Variants in SYT2 observed in about 807,000 individuals in gnomAD.
SYT2 encodes the protein synaptotagmin 2, also known as synaptotagmin-2.
SYT2 carries 15 observed loss-of-function variants against 39.9 expected under a neutral mutation model. The observed-to-expected ratio is 0.38, with a 90% CI of 0.25 to 0.58. The LOEUF (loss-of-function observed/expected upper bound fraction) is 0.58, where lower values mean the gene tolerates loss of function less well. Ranked by LOEUF, SYT2 falls within the 20% of genes least tolerant of loss-of-function variation. The probability of loss-of-function intolerance (pLI) is 0.70; values close to 1 mark genes in which losing one functional copy is unlikely to be tolerated. For synonymous variants in SYT2, 181 were observed against 204.5 expected (o/e 0.89, Z 0.98); for missense variants, 389 against 530.3 (o/e 0.73, Z 2.62).
chr1:202,674,246 C>T (rs1653274813), intron 1 of SYT2, among the ~76,000 whole-genome samples: 1 of 152,030 alleles, frequency 6.6e-6, no homozygotes, highest in Non-Finnish European at 1.5e-5. Context: ...GGATTACAGG[C>T]GTGTACCACC....
chr1:202,600,224 C>T (rs745484110), intron 7 of SYT2, 133 bp downstream of exon 7: 49 of 755,862 alleles, frequency 6.5e-5, no homozygotes, highest in Non-Finnish European at 1.0e-4. Flanking sequence ...CTAAGGCTCC[C>T]CCGCTCCTCG....
At chr1:202,678,306 T>TAAAATAA (rs1048902414) in intron 1 of SYT2, among the ~76,000 whole-genome samples, 2 of 128,508 alleles carry the variant, frequency 1.6e-5, no homozygotes, top group Non-Finnish European at 3.4e-5. Flanking sequence ...AAAAAACTAA[T>TAAAATAA]AAAATAAAAT....
rs2149059033 is a variant in SYT2, at chr1:202,592,477, T to G, written c.*4280A>C. 6.6e-6 allele frequency: 1 copy of G among 152,394 alleles called. No homozygotes were observed. Among genetic ancestry groups the G allele is most frequent in the East Asian group, 1.9e-4 (1 of 5,190 alleles). 9.4% of individuals were successfully genotyped at this position (152,394 alleles called of 1,614,324 possible). ...CTCAACCAGTTCTGTAAAATGGGTTTGAGGTTGGGGATCAAGGGGACTCTC... is the reference window on the plus strand; with the variant it reads ...CTCAACCAGTTCTGTAAAATGGGTTGGAGGTTGGGGATCAAGGGGACTCTC... On this transcript the variant is annotated 3_prime_UTR_variant, in exon 9 of 9. Transcript: ENST00000367268.
rs762689164 is a variant in SYT2 at position 202,601,905 on chromosome 1, G to T, written c.786C>A (p.Gly262=). The change falls in exon 6 of 9, where the codon GGC becomes GGA. Residue 262 remains glycine, a synonymous_variant. Coordinates refer to ENST00000367268, the MANE Select transcript of SYT2 (RefSeq NM_177402.5). This position sits in a 1 kb window ranked among gnomAD's most constrained non-coding sequence, Gnocchi z 4.0. ...CTGCTCTTACCTCCTCCTTTTCCCC[G>T]CCTTGCAGGTCTCTCCACTCCTCAA... is the stretch of plus-strand genomic sequence containing the variant. ...QPIEEWRDLQ[G]GEKEEPEKLG... is the part of the protein sequence containing the mutation. 2 of 1,613,676 alleles carry T rather than the reference G, an allele frequency of 1.2e-6. No individual in the cohort carries two copies. The highest frequency in any genetic ancestry group is 1.3e-5 in the African/African-American group (1 of 74,852).
chr1:202,612,362 A>G (rs1422512386), intron 1 of SYT2, among the ~76,000 whole-genome samples: 2 of 152,032 alleles, frequency 1.3e-5, no homozygotes, highest in African/African-American at 4.8e-5. Flanking sequence ...ATCAGGCAGA[A>G]TGGGTCTTCC....
intron 1 of SYT2, among the ~76,000 whole-genome samples, chr1:202,613,373 G>C (rs1467939577): frequency 6.6e-6 from 1 of 152,098 alleles, no homozygotes; most frequent in Admixed American, 6.6e-5. Context: ...CAGCCACCGC[G>C]TTCAGCCTGA....
Position 202,599,235 on chromosome 1 carries a change from G to A in SYT2, c.1036C>T (p.Pro346Ser). The change falls in exon 8 of 9, where the codon CCC (proline) becomes TCC (serine). Residue 346 changes from proline (P) to serine (S), a missense_variant. Coordinates refer to ENST00000367268, the MANE Select transcript of SYT2 (RefSeq NM_177402.5). This position sits in a 1 kb window ranked among gnomAD's most constrained non-coding sequence, Gnocchi z 4.4. ...TCCAGCACCTGAATCTGCTCGAAGGGGATCTCAAAGCTGAAGGACTCGTTG... is the reference window on the plus strand; with the variant it reads ...TCCAGCACCTGAATCTGCTCGAAGGAGATCTCAAAGCTGAAGGACTCGTTG... ...YFNESFSFEI[P>S]FEQIQKVQVV... The A allele has an allele frequency of 6.2e-7, 1 of 1,613,096 alleles. No individual in the cohort carries two copies. Among genetic ancestry groups the A allele is most frequent in the Non-Finnish European group, 8.5e-7 (1 of 1,179,602 alleles).
At chr1:202,693,359 A>C (rs1304076384) in intron 1 of SYT2, among the ~76,000 whole-genome samples, 1 of 152,196 alleles carries the variant, frequency 6.6e-6, no homozygotes, top group African/African-American at 2.4e-5. Flanking sequence ...CTTCAAGACC[A>C]TGGGGAAGGG....
chr1:202,641,164 G>A (rs1691907161), intron 1 of SYT2, among the ~76,000 whole-genome samples: 1 of 152,186 alleles, frequency 6.6e-6, no homozygotes, highest in African/African-American at 2.4e-5. Flanking sequence ...ATAACCAGTA[G>A]AGCCAAGGTC....
intron 1 of SYT2, among the ~76,000 whole-genome samples, chr1:202,616,356 T>C (rs918469420): frequency 2.6e-5 from 4 of 152,116 alleles, no homozygotes; most frequent in African/African-American, 9.7e-5. Context: ...CCCTGCCCTT[T>C]CTTGTGCCTA....
chr1:202,670,376 A>AG, intron 1 of SYT2, among the ~76,000 whole-genome samples: 1 of 152,222 alleles, frequency 6.6e-6, no homozygotes, highest in East Asian at 1.9e-4. Context: ...TGCATTGCTA[A>AG]ATTTCCTTTG....
intron 1 of SYT2, among the ~76,000 whole-genome samples, chr1:202,657,016 G>T (rs539919318): frequency 2.6e-5 from 4 of 152,168 alleles, no homozygotes; most frequent in Non-Finnish European, 5.9e-5. Flanking sequence ...TTCCACTCTT[G>T]TTCCAGTGTT....
At position 202,594,812 on chromosome 1, in the gene SYT2, G is replaced by A. The variant is rs932547763; in HGVS notation, c.*1945C>T. 5 of 152,086 alleles carry A rather than the reference G, an allele frequency of 3.3e-5. No homozygotes were observed. The highest frequency in any genetic ancestry group is 1.2e-4 in the African/African-American group (5 of 41,392). 9.4% of individuals were successfully genotyped at this position (152,086 alleles called of 1,614,324 possible). On this transcript the variant is annotated 3_prime_UTR_variant, in exon 9 of 9. Transcript: ENST00000367268. The stretch of plus-strand genomic sequence containing the variant: ...AGGCAGGCTTTCCAGTCTGTTTCTG[G>A]TGGGGGTATTCCCTCATTTCCCTCA...
intron 1 of SYT2, among the ~76,000 whole-genome samples, chr1:202,689,412 A>G (rs1653762788): frequency 6.6e-6 from 1 of 152,152 alleles, no homozygotes; most frequent in Non-Finnish European, 1.5e-5. Context: ...TGGGATCCCA[A>G]TAACATAATT....
chr1:202,687,622 C>T (rs1035125877), intron 1 of SYT2, among the ~76,000 whole-genome samples: 2 of 148,080 alleles, frequency 1.4e-5, no homozygotes, highest in South Asian at 2.1e-4. Flanking sequence ...GCTGAGGTTG[C>T]GCCATTGTAC....
At position 202,599,460 on chromosome 1, in the gene SYT2, C is replaced by A. The variant is rs1010117567; in HGVS notation, c.920-109G>T. 7.8e-7 allele frequency: 1 copy of A among 1,279,702 alleles called. No homozygotes were observed. The highest frequency in any genetic ancestry group is 1.5e-5 in the African/African-American group (1 of 64,962). 79.3% of individuals were successfully genotyped at this position (1,279,702 alleles called of 1,614,324 possible). On this transcript the variant is annotated intron_variant, in intron 7 of 8. Coordinates refer to ENST00000367268, the MANE Select transcript of SYT2 (RefSeq NM_177402.5). This position sits in a 1 kb window ranked among gnomAD's most constrained non-coding sequence, Gnocchi z 4.4. ...ATCGGTCAAGAGGGGGTCTTCACTC[C>A]GCTGAGACCAGGCCCTCAGAAAGCC...
chr1:202,665,558 G>C (rs1354336025), intron 1 of SYT2, among the ~76,000 whole-genome samples: 1 of 152,162 alleles, frequency 6.6e-6, no homozygotes, highest in Non-Finnish European at 1.5e-5. Flanking sequence ...GGAAGATAAA[G>C]CTACTTTAAA....
In SYT2 at chr1:202,674,428, C is replaced by G. The variant is rs549692044; in HGVS notation, c.-18+35830G>C. On this transcript the variant is annotated intron_variant, in intron 1 of 8. Coordinates refer to ENST00000367268, the MANE Select transcript of SYT2 (RefSeq NM_177402.5). Reference sequence around the variant, plus strand: ...AGGTGTTTTTAATTATGCATATACCCCAGTGTTAGCATGGTCCATCTGAGC... The same window carrying G: ...AGGTGTTTTTAATTATGCATATACCGCAGTGTTAGCATGGTCCATCTGAGC... 6.9e-4 allele frequency among the ~76,000 whole-genome samples: 105 copies of G among 152,184 alleles called. 1 individual carries two copies. The highest frequency in any genetic ancestry group is 1.7e-3 in the South Asian group (8 of 4,822).
chr1:202,624,695 G>GTGTAGTAGGGTGTGTGTGTGGTA (rs1354306857), intron 1 of SYT2, among the ~76,000 whole-genome samples: 1 of 140,362 alleles, frequency 7.1e-6, no homozygotes, highest in African/African-American at 2.6e-5. Context: ...TGTGTGTTGC[G>GTGTAGTAGGGTGTGTGTGTGGTA]TGTAGTAGGG....
Sources: allele counts gnomAD v4.1 joint callset (sites outside exome capture counted in the v4.1 genomes callset), GRCh38; gene constraint gnomAD v4.1.1; non-coding constraint Gnocchi (gnomAD v3.1); transcripts MANE v1.5; gene names NCBI Gene and HGNC (gene_info 2026-07-23, HGNC 2026-07-21).